MED13: variants seen among roughly 807,000 people sequenced by gnomAD.
MED13 encodes the protein mediator of RNA polymerase II transcription subunit 13.
MED13 carries 23 observed loss-of-function variants against 225.2 expected under a neutral mutation model. The ratio of observed to expected loss-of-function variants is 0.10; its 90% CI spans 0.07 to 0.14. MED13 has a LOEUF of 0.14. MED13 is among the 10% of genes least tolerant of loss of function. The pLI, the probability that MED13 is intolerant of heterozygous loss-of-function variation, is 1.00. For synonymous variants in MED13, 942 were observed against 889.2 expected, an observed-to-expected ratio of 1.06 and a Z score of -1.06; for missense variants, 2,197 against 2,594.5, an observed-to-expected ratio of 0.85 and a Z score of 3.33.
rs564604289 is a variant in MED13 at position 62,019,262 on chromosome 17, A to G, written c.1284-8029T>C. Among the ~76,000 whole-genome samples the G allele has an allele frequency of 5.9e-5, 9 of 152,332 alleles. No homozygotes were observed. The South Asian group carries it at 1.4e-3, about 25-fold the overall frequency. ...AAGAGACTTGCACAACTGTAAAACA[A>G]TGCCACTCAATTAGCTTTTTGGCTA... is the stretch of plus-strand genomic sequence containing the variant. On this transcript the variant is annotated intron_variant, in intron 8 of 29. Transcript: ENST00000397786.
chr17:62,014,310 T>TTATATATATATATATATATATATA (rs79817498), intron 8 of MED13, among the ~76,000 whole-genome samples: 54 of 143,112 alleles, frequency 3.8e-4, no homozygotes, highest in African/African-American at 1.3e-3. Flanking sequence ...GTATATGTTT[T>TTATATATATATATATATATATATA]TATATATATA....
rs1179040623 is a variant in MED13, at chr17:61,943,258, C to T, written c.*3210G>A. ...ACTCATGCAACATTAAGTGTATTAA[C>T]TGATTGATATGCAATGCCATAGTGG... On this transcript the variant is annotated 3_prime_UTR_variant, in exon 30 of 30. Coordinates refer to ENST00000397786, the MANE Select transcript of MED13 (RefSeq NM_005121.3). 6.6e-6 allele frequency: 1 copy of T among 152,512 alleles called. No homozygotes were observed. The highest frequency in any genetic ancestry group is 1.5e-5 in the Non-Finnish European group (1 of 67,972). 9.4% of individuals were successfully genotyped at this position (152,512 alleles called of 1,614,324 possible).
At position 61,955,763 on chromosome 17, in the gene MED13, C is replaced by T. The variant is rs761344318; in HGVS notation, c.5699G>A (p.Gly1900Asp). 1 of 1,610,438 alleles carries T rather than the reference C, an allele frequency of 6.2e-7. No homozygotes were observed. Among genetic ancestry groups the T allele is most frequent in the Non-Finnish European group, 8.5e-7 (1 of 1,178,954 alleles). Reference protein sequence around the residue: ...KRLKDMCRMCGISAADSPSIL... With the variant: ...KRLKDMCRMCDISAADSPSIL... ...GCTAGGGGAGTCTGCAGCAGATATACCACACATTCTACACATGTCTTTGAG... is the reference window on the plus strand; with the variant it reads ...GCTAGGGGAGTCTGCAGCAGATATATCACACATTCTACACATGTCTTTGAG... The change falls in exon 25 of 30, where the codon GGT becomes GAT. Residue 1900 changes from glycine to aspartate, a missense_variant. By Grantham distance (94) the Gly-to-Asp change is moderately conservative (BLOSUM62 -1). Coordinates refer to ENST00000397786, the MANE Select transcript of MED13 (RefSeq NM_005121.3).
rs144347359 is a variant in MED13 at position 62,048,302 on chromosome 17, G to A, written c.470+4235C>T. ...TGTCTGTGGTCCCAGCTACTTGGGAGGCTGAGGCATGAGAACCGCTTGAAC... is the reference window on the plus strand; with the variant it reads ...TGTCTGTGGTCCCAGCTACTTGGGAAGCTGAGGCATGAGAACCGCTTGAAC... On this transcript the variant is annotated intron_variant, in intron 3 of 29. Transcript: ENST00000397786. Among the ~76,000 whole-genome samples the A allele has an allele frequency of 3.7e-3, 560 of 149,456 alleles. 2 individuals carry two copies. The highest frequency in any genetic ancestry group is 0.012 in the African/African-American group (508 of 40,784).
chr17:62,018,535 T>A (rs944044733), intron 8 of MED13, among the ~76,000 whole-genome samples: 2 of 152,004 alleles, frequency 1.3e-5, no homozygotes, highest in African/African-American at 4.8e-5. Context: ...TGAAACCCAA[T>A]CTCTATTACA....
chr17:62,014,891 T>A lies in MED13; in HGVS notation c.1284-3658A>T, dbSNP rs1174130513. On this transcript the variant is annotated intron_variant, in intron 8 of 29. Transcript: ENST00000397786. ...ATAGTAGTTACTAACACAGCTAGTATTGGATAGCTCAGCTCTACAGCTACC... is the reference window on the plus strand; with the variant it reads ...ATAGTAGTTACTAACACAGCTAGTAATGGATAGCTCAGCTCTACAGCTACC... Among the ~76,000 whole-genome samples, 24 of 152,310 alleles carry A rather than the reference T, an allele frequency of 1.6e-4. No homozygotes were observed. In the South Asian group the frequency reaches 5.0e-3, roughly 32 times the overall value.
At chr17:61,980,831 C>T (rs2080197567) in intron 16 of MED13, among the ~76,000 whole-genome samples, 1 of 151,914 alleles carries the variant, frequency 6.6e-6, no homozygotes, top group African/African-American at 2.4e-5. Context: ...CAACCTCCGC[C>T]CCCCAGGTTC....
rs1330069317 is a variant in MED13 at position 61,982,688 on chromosome 17, G to A, written c.3315C>T (p.Ala1105=). The A allele has an allele frequency of 1.2e-5, 20 of 1,613,904 alleles. No homozygotes were observed. The highest frequency in any genetic ancestry group is 4.5e-5 in the East Asian group (2 of 44,900). Residue 1105 remains alanine (A), a synonymous_variant, in exon 16 of 30, where the codon GCC becomes GCT. Transcript: ENST00000397786. The part of the protein sequence containing the change: ...ICVCNMNIKG[A]DVGVYIPDPT... ...GATCTGGAATGTAAACTCCAACATC[G>A]GCACCCTTGATGTTCATGTTGCAAA...
At chr17:61,960,081 C>T (rs1286071196) in intron 23 of MED13, among the ~76,000 whole-genome samples, 1 of 152,054 alleles carries the variant, frequency 6.6e-6, no homozygotes, top group East Asian at 1.9e-4. Context: ...TTCAGGTTCT[C>T]CTGTACAGCG....
At chr17:61,963,476 A>G (rs373443201) in intron 20 of MED13, among the ~76,000 whole-genome samples, 34 of 152,038 alleles carry the variant, frequency 2.2e-4, no homozygotes, top group African/African-American at 8.0e-4. Context: ...GTGTATATAT[A>G]TATCTTTTTT....
Position 61,982,557 on chromosome 17 carries a change from A to G in MED13, c.3446T>C (p.Ile1149Thr), listed in dbSNP as rs372757886. ...GLFLEDELDI[I>T]GRNTDCGKEA... is the part of the protein sequence containing the mutation. ...TTTGCCACAGTCTGTATTGCGTCCT[A>G]TGATATCTAGTTCATCTTCAAGAAA... The change falls in exon 16 of 30, where the codon ATA (isoleucine) becomes ACA (threonine). Residue 1149 changes from isoleucine to threonine, a missense_variant. By Grantham distance (89) the Ile-to-Thr change is moderately conservative (BLOSUM62 -1). Around this residue, in one of 12 missense-constraint regions of MED13, gnomAD observed 203 missense variants for 209.7 expected, o/e 0.97. Coordinates refer to ENST00000397786, the MANE Select transcript of MED13 (RefSeq NM_005121.3). 3.2e-5 allele frequency: 51 copies of G among 1,614,028 alleles called. No homozygotes were observed. Among genetic ancestry groups the G allele is most frequent in the Middle Eastern group, 3.3e-4 (2 of 6,084 alleles).
intron 8 of MED13, among the ~76,000 whole-genome samples, chr17:62,025,002 T>A (rs2080686861): frequency 6.6e-6 from 1 of 152,240 alleles, no homozygotes; most frequent in African/African-American, 2.4e-5. Flanking sequence ...TTCCCGTGCA[T>A]GTGTCTTTAT....
At chr17:62,021,533 CCTG>C (rs1234999444) in intron 8 of MED13, among the ~76,000 whole-genome samples, 4 of 152,240 alleles carry the variant, frequency 2.6e-5, no homozygotes, top group South Asian at 2.1e-4. Context: ...GGGCGAGCAG[CCTG>C]CTTTCTATGT....
chr17:62,049,078 C>CAACAAAAAAAAAAA (rs2080929263), intron 3 of MED13, among the ~76,000 whole-genome samples: 1 of 45,330 alleles, frequency 2.2e-5, no homozygotes, highest in East Asian at 8.2e-4. Context: ...GTAAATAAGA[C>CAACAAAAAAAAAAA]AAAAAAAAAA....
chr17:62,062,594 CACACACCACA>C (rs964028590), intron 2 of MED13, among the ~76,000 whole-genome samples: 14 of 57,570 alleles, frequency 2.4e-4, no homozygotes, highest in African/African-American at 1.3e-3. Flanking sequence ...CACACACACA[CACACACCACA>C]CACACACACA....
chr17:62,011,176 A>G lies in MED13; in HGVS notation c.1341T>C (p.Gly447=), dbSNP rs1403937528. The change falls in exon 9 of 30, where the codon GGT becomes GGC. Residue 447 remains glycine (G), a synonymous_variant. Transcript: ENST00000397786. ...AGQQGQAPSL[G]QQQQILPKHK... is the part of the protein sequence containing the mutation. ...GCTTAGGAAGTATTTGTTGTTGCTGACCTAAAGATGGTGCCTGTCCTTGTT... is the reference window on the plus strand; with the variant it reads ...GCTTAGGAAGTATTTGTTGTTGCTGGCCTAAAGATGGTGCCTGTCCTTGTT... The G allele has an allele frequency of 6.2e-7, 1 of 1,614,140 alleles. No individual in the cohort carries two copies. Among genetic ancestry groups the G allele is most frequent in the East Asian group, 2.2e-5 (1 of 44,886 alleles).
Position 62,031,274 on chromosome 17 carries a change from G to A in MED13, c.1009+170C>T, listed in dbSNP as rs1002258687. 11 of 577,610 alleles carry A rather than the reference G, an allele frequency of 1.9e-5. No individual in the cohort carries two copies. In the East Asian group the frequency reaches 2.5e-4, roughly 13 times the overall value. 35.8% of individuals were successfully genotyped at this position (577,610 alleles called of 1,614,324 possible). A position where few individuals can be genotyped will look rare whatever the true frequency, so the allele number is the denominator to read the frequency against. On this transcript the variant is annotated intron_variant, in intron 6 of 29. Transcript: ENST00000397786. ...AATGAATGTACATCATACAGACAGG[G>A]TGATGGAGTAAATAATAACAGTTTG...
rs1018870069 is a variant in MED13 at position 62,040,021 on chromosome 17, C to T, written c.471-4413G>A. The stretch of plus-strand genomic sequence containing the variant: ...TCCCAACCTCAAGTGATCCTCCTGC[C>T]GCAGCCTCTTAAGTAGCTTGAACTA... On this transcript the variant is annotated intron_variant, in intron 3 of 29. Coordinates refer to ENST00000397786, the MANE Select transcript of MED13 (RefSeq NM_005121.3). Among the ~76,000 whole-genome samples, 8 of 152,128 alleles carry T rather than the reference C, an allele frequency of 5.3e-5. No homozygotes were observed. In the East Asian group the frequency reaches 1.2e-3, roughly 22 times the overall value.
At chr17:62,017,202 GAGT>G (rs1295924586) in intron 8 of MED13, among the ~76,000 whole-genome samples, 1 of 120,732 alleles carries the variant, frequency 8.3e-6, no homozygotes, top group Non-Finnish European at 1.7e-5. Flanking sequence ...TAACAAAACA[GAGT>G]AGAACTAAAA....
Sources: allele counts gnomAD v4.1 joint callset (sites outside exome capture counted in the v4.1 genomes callset), GRCh38; gene constraint gnomAD v4.1.1; regional missense constraint gnomAD v4.1.1; transcripts MANE v1.5; gene names NCBI Gene and HGNC (gene_info 2026-07-23, HGNC 2026-07-21).